DSCAML1: variants seen among roughly 807,000 people sequenced by gnomAD.
DSCAML1 encodes the protein DS cell adhesion molecule like 1, also known as cell adhesion molecule DSCAML1.
Under a neutral mutation model 200.5 loss-of-function variants are expected in DSCAML1, and 38 were observed. The ratio of observed to expected loss-of-function variants is 0.19; its 90% confidence interval spans 0.15 to 0.25. The LOEUF (loss-of-function observed/expected upper bound fraction) is 0.25. DSCAML1 is among the 10% of genes least tolerant of loss of function. DSCAML1 has a pLI of 1.00. For missense variants in DSCAML1, 2,223 were observed against 2,858.8 expected (o/e 0.78, Z 5.07); for synonymous variants, 1,215 against 1,165.0 (o/e 1.04, Z -0.87).
At chr11:117,617,857 T>C (rs59258276) in intron 3 of DSCAML1, among the ~76,000 whole-genome samples, 8,508 of 152,128 alleles carry the variant, frequency 0.056, 446 homozygotes, top group African/African-American at 0.14. Flanking sequence ...CGCTACCCCC[T>C]ACCAGGTAGG....
chr11:117,624,447 G>C (rs2052001527), intron 3 of DSCAML1, among the ~76,000 whole-genome samples: 1 of 152,180 alleles, frequency 6.6e-6, no homozygotes, highest in South Asian at 2.1e-4. Context: ...CTTTGAGGGG[G>C]CGAAGGTTGG....
At chr11:117,567,066 G>T (rs1191194464) in intron 3 of DSCAML1, among the ~76,000 whole-genome samples, 6 of 152,180 alleles carry the variant, frequency 3.9e-5, no homozygotes, top group Non-Finnish European at 8.8e-5. Context: ...TATAGCAGCA[G>T]GATTTATAGT....
In DSCAML1 at chr11:117,805,600, A is replaced by G. The variant is rs924799070; in HGVS notation, c.-250+11790T>C. Among the ~76,000 whole-genome samples, 12 of 152,312 alleles carry G rather than the reference A, an allele frequency of 7.9e-5. No homozygotes were observed. In the South Asian group the frequency reaches 2.3e-3, roughly 29 times the overall value. On this transcript the variant is annotated intron_variant, in intron 1 of 2. Transcript: ENST00000525836. The stretch of plus-strand genomic sequence containing the variant: ...CGCTGGTGGGCATTGTCAATCTCCA[A>G]GTGCTACAGTATGAGGTTTTGGGGG...
At chr11:117,739,279 G>A (rs1312270068) in intron 3 of DSCAML1, among the ~76,000 whole-genome samples, 1 of 152,138 alleles carries the variant, frequency 6.6e-6, no homozygotes, top group Non-Finnish European at 1.5e-5. Context: ...GTTCTTGAAG[G>A]AGGGCCTGGC....
chr11:117,547,260 C>T (rs2050388690), intron 3 of DSCAML1, among the ~76,000 whole-genome samples: 1 of 152,294 alleles, frequency 6.6e-6, no homozygotes, highest in African/African-American at 2.4e-5. Context: ...TGCTTTGTAG[C>T]TCTCACTCCA....
chr11:117,509,712 G>A (rs2049581260), intron 8 of DSCAML1, among the ~76,000 whole-genome samples: 1 of 152,202 alleles, frequency 6.6e-6, no homozygotes, highest in Non-Finnish European at 1.5e-5. Flanking sequence ...TCCAAATGGG[G>A]CTTGCCTTCT....
At chr11:117,520,071 G>C (rs1002416164) in intron 6 of DSCAML1, among the ~76,000 whole-genome samples, 25 of 152,322 alleles carry the variant, frequency 1.6e-4, no homozygotes, top group Admixed American at 1.6e-3. Context: ...AGGAGGAGGT[G>C]GGGAACCATT....
chr11:117,472,161 A>G, intron 14 of DSCAML1, 125 bp from the exon 15 acceptor site: 3 of 1,059,146 alleles, frequency 2.8e-6, no homozygotes, highest in Non-Finnish European at 4.2e-6. Flanking sequence ...CACAGACTGC[A>G]GAGAGGGCAC....
At position 117,516,732 on chromosome 11, in the gene DSCAML1, G is replaced by A. The variant is rs762055777; in HGVS notation, c.1518C>T (p.Pro506=). ...TGATGTTCCGCATAGCCCGGATGCT[G>A]GGTGGGCCTGGGCAGGAGTCAGAAG... The part of the protein sequence containing the change: ...YQARINVRGP[P]SIRAMRNITA... The change falls in exon 8 of 33, where the codon CCC becomes CCT. Residue 506 remains proline, a synonymous_variant. Transcript: ENST00000651296. The surrounding 1 kb of genome is among the most constrained non-coding windows in gnomAD (Gnocchi z 5.7). 6.2e-7 allele frequency: 1 copy of A among 1,612,404 alleles called. No individual in the cohort carries two copies. Among genetic ancestry groups the A allele is most frequent in the East Asian group, 2.2e-5 (1 of 44,868 alleles).
chr11:117,443,893 A>G lies in DSCAML1; in HGVS notation c.3855T>C (p.Ala1285=), dbSNP rs2048121500. The G allele has an allele frequency of 3.1e-6, 5 of 1,604,662 alleles. No individual in the cohort carries two copies. Among genetic ancestry groups the G allele is most frequent in the Non-Finnish European group, 4.3e-6 (5 of 1,175,992 alleles). ...NSSEKVTIEP[A]GKAPAKIISF... is the part of the protein sequence containing the mutation. ...CAGCCTCAGGCTTCTCACCCTTGCC[A>G]GCAGGCTCGATGGTCACCTTCTCGC... Residue 1285 remains alanine (A), a synonymous_variant, in exon 21 of 33, where the codon GCT becomes GCC. Coordinates refer to ENST00000651296, the MANE Select transcript of DSCAML1 (RefSeq NM_020693.4).
chr11:117,443,990 G>A lies in DSCAML1; in HGVS notation c.3758C>T (p.Ala1253Val), dbSNP rs760609052. ...ATACTGCTGACCGCGGTTTAGGTGG[G>A]CGATCCGGTAGAAGAGCTGCTCTGG... ...TSPEQLFYRIAHLNRGQQYLL... is the reference protein window; with the variant it reads ...TSPEQLFYRIVHLNRGQQYLL... Residue 1253 changes from alanine to valine, a missense_variant, in exon 21 of 33, where the codon GCC becomes GTC. Physicochemically the swap from Ala to Val is moderately conservative, Grantham distance 64. Around this residue, in one of 7 missense-constraint regions of DSCAML1, gnomAD observed 614 missense variants for 739.1 expected, o/e 0.83. Coordinates refer to ENST00000651296, the MANE Select transcript of DSCAML1 (RefSeq NM_020693.4). 2.5e-6 allele frequency: 4 copies of A among 1,613,840 alleles called. No individual in the cohort carries two copies. The highest frequency in any genetic ancestry group is 2.7e-5 in the African/African-American group (2 of 74,932).
intron 14 of DSCAML1, among the ~76,000 whole-genome samples, chr11:117,479,556 T>C (rs1441357339): frequency 2.0e-5 from 3 of 152,144 alleles, no homozygotes; most frequent in Non-Finnish European, 4.4e-5. Flanking sequence ...TCTCCCCAGA[T>C]GCGGGGTGCC....
chr11:117,788,581 C>G (rs967537171), intron 1 of DSCAML1, among the ~76,000 whole-genome samples: 1 of 152,200 alleles, frequency 6.6e-6, no homozygotes, highest in Non-Finnish European at 1.5e-5. Context: ...CCTGCCTCGG[C>G]CTCCCAAACT....
chr11:117,568,536 C>A (rs1317907143), intron 3 of DSCAML1, among the ~76,000 whole-genome samples: 2 of 152,124 alleles, frequency 1.3e-5, no homozygotes, highest in African/African-American at 4.8e-5. Context: ...TCTCAGGATA[C>A]AAAATCAATG....
intron 3 of DSCAML1, among the ~76,000 whole-genome samples, chr11:117,678,022 G>T (rs1020871569): frequency 6.6e-5 from 10 of 152,232 alleles, no homozygotes; most frequent in African/African-American, 1.9e-4. Context: ...CAACCAAAAA[G>T]GTCATTGCCT....
Position 117,511,856 on chromosome 11 carries a change from CTAA to C in DSCAML1, c.1783+4608_1783+4610del, listed in dbSNP as rs574625276. ...GTATGTGTGCTCAAGTGTGAATGGG[CTAA>C]TGTGTTAATTGGCTGCACGTGCATG... On this transcript the variant is annotated intron_variant, in intron 8 of 32. Transcript: ENST00000651296. Among the ~76,000 whole-genome samples, 18 of 152,362 alleles carry C rather than the reference CTAA, an allele frequency of 1.2e-4. No homozygotes were observed. The South Asian group carries it at 2.3e-3, about 19-fold the overall frequency.
At chr11:117,709,608 C>T (rs1437611556) in intron 3 of DSCAML1, 1 of 432,706 alleles carries the variant, frequency 2.3e-6, no homozygotes, top group East Asian at 7.1e-5. Context: ...TATTTATTTC[C>T]CCCATTGCAT....
intron 3 of DSCAML1, among the ~76,000 whole-genome samples, chr11:117,749,076 G>A (rs1231202835): frequency 2.0e-5 from 3 of 152,178 alleles, no homozygotes; most frequent in African/African-American, 4.8e-5. Flanking sequence ...ACTTTCTCTT[G>A]TGCAGGTAGA....
At chr11:117,515,060 G>A (rs780662779) in intron 8 of DSCAML1, among the ~76,000 whole-genome samples, 6 of 152,224 alleles carry the variant, frequency 3.9e-5, no homozygotes, top group Non-Finnish European at 8.8e-5. Context: ...TATAACCATC[G>A]CAGCCTGCTG....
Sources: gnomAD v4.1 joint callset for allele counts (sites outside exome capture counted in the v4.1 genomes callset) on GRCh38, gnomAD v4.1.1 for gene constraint, gnomAD v4.1.1 regional missense constraint, Gnocchi (gnomAD v3.1) non-coding constraint, MANE v1.5 for transcripts, NCBI Gene and HGNC (gene_info 2026-07-23, HGNC 2026-07-21) for gene names.